The following LAMB4 variants were observed in gnomAD, a reference collection of about 807,000 sequenced individuals.
The protein encoded by LAMB4 is laminin subunit beta 4.
In LAMB4, 196 loss-of-function variants were observed where a neutral mutation model predicts 199.2. The observed-to-expected ratio is 0.98, with a 90% CI of 0.88 to 1.11. The LOEUF is 1.11. Among genes scored for constraint, LAMB4 ranks in the 50% least tolerant of loss-of-function variants. LAMB4 has a pLI of 0.00. For missense variants in LAMB4, 2,080 were observed against 2,171.2 expected (o/e 0.96, Z 0.83); for synonymous variants, 744 against 770.6 (o/e 0.97, Z 0.57).
chr7:108,053,946 T>C (rs139767454), intron 25 of LAMB4, among the ~76,000 whole-genome samples: 4 of 152,306 alleles, frequency 2.6e-5, no homozygotes, highest in Non-Finnish European at 5.9e-5. Context: ...TCAGTAAAAA[T>C]ATGGATGTCT....
intron 18 of LAMB4, 46 bp downstream of exon 18, chr7:108,069,662 G>T (rs2036462838): frequency 6.5e-7 from 1 of 1,549,144 alleles, no homozygotes; most frequent in Non-Finnish European, 8.8e-7. Context: ...AAAAGCATTT[G>T]TATGGATGTC....
intron 17 of LAMB4, 71 bp from the exon 18 acceptor site, chr7:108,069,956 A>C: frequency 1.6e-6 from 2 of 1,251,558 alleles, no homozygotes; most frequent in South Asian, 3.3e-5. Flanking sequence ...ACATATAAAA[A>C]AATTAGATCT....
In LAMB4 at chr7:108,063,864, C is replaced by T. The variant is rs751639136; in HGVS notation, c.2958G>A (p.Arg986=). The change falls in exon 22 of 34, where the codon CGG becomes CGA. Residue 986 remains arginine (R), a synonymous_variant. Coordinates refer to ENST00000388781, the MANE Select transcript of LAMB4 (RefSeq NM_007356.3). The part of the protein sequence containing the change: ...IDVTDPESCS[R]VTGECLRCLH... ...AACATCGAAGGCACTCCCCTGTTAC[C>T]CGGCTGCAGGACTCTGGATCGGTTA... 1.2e-5 allele frequency: 19 copies of T among 1,614,166 alleles called. No individual in the cohort carries two copies. The highest frequency in any genetic ancestry group is 1.6e-5 in the Non-Finnish European group (19 of 1,180,012).
In LAMB4 at chr7:108,105,902, C is replaced by T. The variant is rs377732422; in HGVS notation, c.785G>A (p.Arg262Gln). 18 of 1,614,070 alleles carry T rather than the reference C, an allele frequency of 1.1e-5. No individual in the cohort carries two copies. Among genetic ancestry groups the T allele is most frequent in the South Asian group, 5.5e-5 (5 of 91,086 alleles). Residue 262 changes from arginine to glutamine, a missense_variant, in exon 8 of 34, where the codon CGG becomes CAG. By Grantham distance (43) the Arg-to-Gln change is conservative. Coordinates refer to ENST00000388781, the MANE Select transcript of LAMB4 (RefSeq NM_007356.3). ...ATGGCCATTGCAAAAGCAGCTTCCC[C>T]GAACAATCATCTCGTACAGAGCATA... is the stretch of plus-strand genomic sequence containing the variant. The part of the protein sequence containing the change: ...YYYALYEMIV[R>Q]GSCFCNGHAS...
intron 14 of LAMB4, among the ~76,000 whole-genome samples, chr7:108,085,571 T>G (rs555091083): frequency 1.6e-4 from 25 of 152,256 alleles, no homozygotes; most frequent in African/African-American, 6.0e-4. Context: ...TCCTTCTGGT[T>G]TTAGAACACA....
At chr7:108,095,474 T>C (rs1335128109) in intron 11 of LAMB4, 137 bp from the exon 12 acceptor site, 1 of 647,366 alleles carries the variant, frequency 1.5e-6, no homozygotes, top group African/African-American at 1.8e-5. Context: ...ATTGTGTGCC[T>C]GGCTGCGTGA....
intron 21 of LAMB4, 149 bp downstream of exon 21, chr7:108,065,613 A>C: frequency 5.7e-6 from 3 of 523,702 alleles, no homozygotes; most frequent in Non-Finnish European, 9.6e-6. Context: ...TTCTTTGTTC[A>C]ATAAAGCAGC....
intron 2 of LAMB4, 115 bp from the exon 3 acceptor site, chr7:108,116,276 G>C (rs1235578061): frequency 2.0e-6 from 2 of 1,012,986 alleles, no homozygotes; most frequent in Non-Finnish European, 2.8e-6. Flanking sequence ...GGCCAAAGAT[G>C]TATCAGACTT....
Position 108,055,905 on chromosome 7 carries a change from C to A in LAMB4, c.3482G>T (p.Cys1161Phe). ...GAATTCCTGGCTGTGTCCCCGGGCA[C>A]AGCGATCACATCTCTGGCCGCTGAC... ...EGVSGQRCDR[C>F]ARGHSQEFPT... The change falls in exon 25 of 34, where the codon TGT (cysteine) becomes TTT (phenylalanine). Residue 1161 changes from cysteine (C) to phenylalanine (F), a missense_variant. Physicochemically the swap from Cys to Phe is radical, Grantham distance 205. Transcript: ENST00000388781. The A allele has an allele frequency of 1.9e-6, 3 of 1,614,200 alleles. No individual in the cohort carries two copies. The South Asian group carries it at 3.3e-5, about 18-fold the overall frequency.
intron 28 of LAMB4, 76 bp downstream of exon 28, chr7:108,047,832 G>T: frequency 8.6e-7 from 1 of 1,162,236 alleles, no homozygotes; most frequent in Non-Finnish European, 1.3e-6. Context: ...GAAGTTATAT[G>T]GCAGTTTTAT....
At chr7:108,052,022 G>C in intron 26 of LAMB4, 75 bp downstream of exon 26, 1 of 1,213,608 alleles carries the variant, frequency 8.2e-7, no homozygotes, top group South Asian at 1.7e-5. Flanking sequence ...AGCAGGGGAC[G>C]ACTCACTAAT....
At chr7:108,052,361 T>TCA in intron 25 of LAMB4, 104 bp from the exon 26 acceptor site, 1 of 795,772 alleles carries the variant, frequency 1.3e-6, no homozygotes, top group Non-Finnish European at 1.9e-6. Flanking sequence ...AATTCTTGAT[T>TCA]AGAAGGGATT....
intron 3 of LAMB4, among the ~76,000 whole-genome samples, chr7:108,112,547 C>A (rs2038268461): frequency 6.6e-6 from 1 of 152,112 alleles, no homozygotes; most frequent in East Asian, 1.9e-4. Flanking sequence ...CCTGCCTTGG[C>A]CTCCGAAAGT....
chr7:108,058,266 A>G (rs2036049758), intron 23 of LAMB4, among the ~76,000 whole-genome samples: 1 of 152,272 alleles, frequency 6.6e-6, no homozygotes, highest in Non-Finnish European at 1.5e-5. Flanking sequence ...TTCCTCCATA[A>G]GTGAGTGAGG....
intron 23 of LAMB4, among the ~76,000 whole-genome samples, chr7:108,059,801 A>G (rs2036102620): frequency 6.6e-6 from 1 of 152,240 alleles, no homozygotes; most frequent in Non-Finnish European, 1.5e-5. Context: ...TATGCAAGGG[A>G]TTTAAAAAAC....
At chr7:108,085,910 GC>G (rs1402581434) in intron 14 of LAMB4, among the ~76,000 whole-genome samples, 1 of 152,178 alleles carries the variant, frequency 6.6e-6, no homozygotes, top group Non-Finnish European at 1.5e-5. Flanking sequence ...ACTGCGCCCG[GC>G]CCTGCATTTT....
At position 108,058,137 on chromosome 7, in the gene LAMB4, G is replaced by A. The variant is rs548809855; in HGVS notation, c.3283-209C>T. Among the ~76,000 whole-genome samples the A allele has an allele frequency of 6.6e-5, 10 of 152,194 alleles. No homozygotes were observed. In the East Asian group the frequency reaches 1.2e-3, roughly 18 times the overall value. ...TTGGCCTAAAGCTCCTGAATATATC[G>A]CCTGCTTCCAGCTGTTCAGGGACAG... On this transcript the variant is annotated intron_variant, in intron 23 of 33. Transcript: ENST00000388781.
At chr7:108,064,175 AT>A (rs1475611117) in intron 21 of LAMB4, among the ~76,000 whole-genome samples, 190 bp from the exon 22 acceptor site, 1 of 152,248 alleles carries the variant, frequency 6.6e-6, no homozygotes, top group Non-Finnish European at 1.5e-5. Context: ...CATTTAAAGA[AT>A]AAAATGATTA....
chr7:108,014,646 G>A, the LAMB4 span, among the ~76,000 whole-genome samples: 458 of 151,988 alleles, frequency 3.0e-3, 3 homozygotes, highest in African/African-American at 0.011. Flanking sequence ...TATGATTGCT[G>A]TATAGGAATG....
Sources: allele counts gnomAD v4.1 joint callset (sites outside exome capture counted in the v4.1 genomes callset), GRCh38; gene constraint gnomAD v4.1.1; transcripts MANE v1.5; gene names NCBI Gene and HGNC (gene_info 2026-07-23, HGNC 2026-07-21).